Variants in PIK3C2G observed in about 807,000 individuals in gnomAD.
PIK3C2G encodes phosphatidylinositol 3-kinase C2 domain-containing subunit gamma.
In PIK3C2G, 168 loss-of-function variants were observed where a neutral mutation model predicts 181.1. The observed-to-expected ratio is 0.93, with a 90% CI of 0.82 to 1.05. The LOEUF (loss-of-function observed/expected upper bound fraction) is 1.05, where lower values mean the gene tolerates loss of function less well. Among genes scored for constraint, PIK3C2G ranks in the 50% least tolerant of loss-of-function variants. The pLI is 0.00. For synonymous variants in PIK3C2G, 573 were observed against 592.2 expected (o/e 0.97, Z 0.47); for missense variants, 1,869 against 1,732.8 (o/e 1.08, Z -1.40).
In PIK3C2G at chr12:18,495,852, G is replaced by A. The variant is rs148102999; in HGVS notation, c.2794-210G>A. Among the ~76,000 whole-genome samples, 627 of 152,154 alleles carry A rather than the reference G, an allele frequency of 4.1e-3. 4 individuals carry two copies. The highest frequency in any genetic ancestry group is 0.014 in the African/African-American group (600 of 41,532). On this transcript the variant is annotated intron_variant, in intron 20 of 32. Coordinates refer to ENST00000538779, the MANE Select transcript of PIK3C2G (RefSeq NM_001288772.2). The stretch of plus-strand genomic sequence containing the variant: ...AATCTGTCAAAAAGCTGGCTTCTTG[G>A]TTTCAAAGTAAAGGCTCCAGTTGAT...
chr12:18,694,196 T>A, the PIK3C2G span: 1 of 634,224 alleles, frequency 1.6e-6, no homozygotes, highest in East Asian at 2.7e-5. Context: ...TCTGTTCCCA[T>A]TGATTTTTAT....
At chr12:18,714,346 G>A in the PIK3C2G span, among the ~76,000 whole-genome samples, 8 of 152,176 alleles carry the variant, frequency 5.3e-5, no homozygotes, top group African/African-American at 1.9e-4. Context: ...GCAATGGTTA[G>A]TGCTGTTTCT....
intron 28 of PIK3C2G, among the ~76,000 whole-genome samples, chr12:18,564,042 C>T (rs1945488019): frequency 6.6e-6 from 1 of 150,778 alleles, no homozygotes; most frequent in Admixed American, 6.6e-5. Flanking sequence ...TCATTTTGTG[C>T]CATTGATTTT....
the PIK3C2G span, among the ~76,000 whole-genome samples, chr12:18,708,225 C>T: frequency 9.9e-5 from 15 of 152,260 alleles, no homozygotes; most frequent in Non-Finnish European, 1.9e-4. Flanking sequence ...TATCTCTGTA[C>T]ATTTGAGAGT....
intron 1 of PIK3C2G, among the ~76,000 whole-genome samples, chr12:18,253,654 C>T (rs868741878): frequency 2.6e-5 from 4 of 152,114 alleles, no homozygotes; most frequent in South Asian, 4.2e-4. Flanking sequence ...GCACAGTGAC[C>T]GCCACACTCT....
intron 14 of PIK3C2G, among the ~76,000 whole-genome samples, chr12:18,387,921 C>G (rs1943278653): frequency 6.6e-6 from 1 of 152,186 alleles, no homozygotes; most frequent in Non-Finnish European, 1.5e-5. Context: ...AAATGTTTGG[C>G]TCTTCCTTTT....
chr12:18,521,764 G>A (rs1157298065), intron 24 of PIK3C2G, among the ~76,000 whole-genome samples: 1 of 152,244 alleles, frequency 6.6e-6, no homozygotes, highest in East Asian at 1.9e-4. Context: ...TTAGACAGCA[G>A]GCAACTGCAG....
chr12:18,716,260 C>A, the PIK3C2G span, among the ~76,000 whole-genome samples: 4 of 151,836 alleles, frequency 2.6e-5, no homozygotes, highest in South Asian at 2.1e-4. Context: ...GGGGAAAAAA[C>A]CACCAAGAAC....
intron 13 of PIK3C2G, among the ~76,000 whole-genome samples, chr12:18,380,458 G>A (rs1331011633): frequency 1.3e-5 from 2 of 152,196 alleles, no homozygotes; most frequent in Non-Finnish European, 2.9e-5. Flanking sequence ...TTCTCAGGCA[G>A]ATGGGGATTT....
intron 1 of PIK3C2G, among the ~76,000 whole-genome samples, chr12:18,264,887 C>A (rs1948414648): frequency 6.6e-6 from 1 of 152,200 alleles, no homozygotes; most frequent in African/African-American, 2.4e-5. Context: ...ACTCTTTTCT[C>A]CTCTGTCTTA....
chr12:18,252,951 A>C (rs1591759801), intron 1 of PIK3C2G, among the ~76,000 whole-genome samples: 2 of 152,196 alleles, frequency 1.3e-5, no homozygotes, highest in Admixed American at 1.3e-4. Flanking sequence ...CTCTGGGAGG[A>C]AAGGTAGCAC....
At chr12:18,705,262 T>TAA in the PIK3C2G span, 1 of 1,614,022 alleles carries the variant, frequency 6.2e-7, no homozygotes, top group Admixed American at 1.7e-5. Context: ...TTACTTCTTG[T>TAA]TGGGCAGTGG....
At chr12:18,580,010 G>A (rs1004386796) in intron 29 of PIK3C2G, among the ~76,000 whole-genome samples, 1 of 151,970 alleles carries the variant, frequency 6.6e-6, no homozygotes, top group East Asian at 1.9e-4. Context: ...GCGCGCACCT[G>A]TAGTCCCAGC....
intron 29 of PIK3C2G, among the ~76,000 whole-genome samples, chr12:18,592,506 G>C (rs1033795627): frequency 6.6e-6 from 1 of 151,860 alleles, no homozygotes; most frequent in Non-Finnish European, 1.5e-5. Context: ...AAGATAATTA[G>C]AGCATTTTTC....
chr12:18,693,553 C>G, the PIK3C2G span: 6 of 1,608,358 alleles, frequency 3.7e-6, no homozygotes, highest in Non-Finnish European at 1.7e-6. Context: ...TTCAGAAGTA[C>G]CTAGGTGATG....
chr12:18,530,599 C>T (rs978627544), intron 24 of PIK3C2G, among the ~76,000 whole-genome samples: 1 of 152,108 alleles, frequency 6.6e-6, no homozygotes, highest in Non-Finnish European at 1.5e-5. Flanking sequence ...CCTGATATGG[C>T]TTGGCTCTGC....
At chr12:18,524,000 G>A (rs1198132108) in intron 24 of PIK3C2G, among the ~76,000 whole-genome samples, 2 of 152,176 alleles carry the variant, frequency 1.3e-5, no homozygotes, top group Non-Finnish European at 2.9e-5. Context: ...TCTCTGGTAT[G>A]GCACCTCCAC....
At chr12:18,607,979 T>C (rs1162626321) in intron 30 of PIK3C2G, among the ~76,000 whole-genome samples, 1 of 152,186 alleles carries the variant, frequency 6.6e-6, no homozygotes, top group Non-Finnish European at 1.5e-5. Flanking sequence ...ATCAGAGAAA[T>C]GCAAATCAAA....
intron 13 of PIK3C2G, among the ~76,000 whole-genome samples, chr12:18,380,129 C>G (rs1156878175): frequency 6.6e-6 from 1 of 152,134 alleles, no homozygotes; most frequent in African/African-American, 2.4e-5. Flanking sequence ...GCTCACTGAT[C>G]TCACACTTCT....
Sources: allele counts gnomAD v4.1 joint callset (sites outside exome capture counted in the v4.1 genomes callset), GRCh38; gene constraint gnomAD v4.1.1; transcripts MANE v1.5; gene names NCBI Gene and HGNC (gene_info 2026-07-23, HGNC 2026-07-21).